BBS1: variants seen among roughly 807,000 people sequenced by gnomAD.
The protein encoded by BBS1 is BBSome complex member BBS1.
Under a neutral mutation model 73.9 loss-of-function variants are expected in BBS1, and 60 were observed. The observed-to-expected ratio is 0.81, with a 90% CI of 0.66 to 1.01. The LOEUF is 1.01. BBS1 is among the 50% of genes least tolerant of loss of function. The probability of loss-of-function intolerance (pLI) is 0.00; values close to 1 mark genes in which losing one functional copy is unlikely to be tolerated. For synonymous variants in BBS1, 283 were observed against 317.4 expected, an observed-to-expected ratio of 0.89 and a Z score of 1.15; for missense variants, 718 against 770.3, an observed-to-expected ratio of 0.93 and a Z score of 0.80.
chr11:66,530,391 G>A (rs1191102789), intron 14 of BBS1, among the ~76,000 whole-genome samples: 3 of 152,122 alleles, frequency 2.0e-5, no homozygotes, highest in African/African-American at 7.2e-5. Flanking sequence ...ACGGGCAAAA[G>A]GAGGAACCCC....
chr11:66,516,719 T>TA, intron 7 of BBS1, among the ~76,000 whole-genome samples: 1 of 152,076 alleles, frequency 6.6e-6, no homozygotes, highest in East Asian at 1.9e-4. Flanking sequence ...CCCAGCTAAT[T>TA]TTTTTATTTT....
intron 14 of BBS1, among the ~76,000 whole-genome samples, chr11:66,530,323 G>A (rs1475993585): frequency 6.6e-6 from 1 of 152,134 alleles, no homozygotes; most frequent in East Asian, 1.9e-4. Flanking sequence ...AACGTGTTAG[G>A]ACTGCTGGGT....
At chr11:66,521,603 G>A (rs1856219854) in intron 9 of BBS1, 1 of 549,642 alleles carries the variant, frequency 1.8e-6, no homozygotes. Context: ...TAGTACAGGA[G>A]TGATCAGAAA....
intron 3 of BBS1, among the ~76,000 whole-genome samples, chr11:66,512,056 A>ATATATATGTATATATATGTG (rs1855965003): frequency 1.4e-5 from 2 of 145,632 alleles, no homozygotes; most frequent in African/African-American, 5.2e-5. Context: ...ATATATGTGT[A>ATATATATGTATATATATGTG]TATATATGTA....
intron 13 of BBS1, 128 bp downstream of exon 13, chr11:66,526,935 C>T: frequency 6.3e-7 from 1 of 1,595,522 alleles, no homozygotes; most frequent in Non-Finnish European, 8.5e-7. Context: ...AGGTCACTCA[C>T]CTCTGCAAAT....
chr11:66,520,707 T>G lies in BBS1; in HGVS notation c.724-563T>G, dbSNP rs188179508. The G allele has an allele frequency of 2.1e-5, 4 of 189,004 alleles. No homozygotes were observed. The Admixed American group carries it at 2.1e-4, about 10-fold the overall frequency. 11.7% of individuals were successfully genotyped at this position (189,004 alleles called of 1,614,324 possible). Reference sequence around the variant, plus strand: ...TTTTTTGCTATTAATACCAATGCTATAGACCTTTTTACCCAAATATCCTTG... The same window carrying G: ...TTTTTTGCTATTAATACCAATGCTAGAGACCTTTTTACCCAAATATCCTTG... On this transcript the variant is annotated intron_variant, in intron 8 of 16. Coordinates refer to ENST00000318312, the MANE Select transcript of BBS1 (RefSeq NM_024649.5).
intron 9 of BBS1, among the ~76,000 whole-genome samples, chr11:66,522,339 T>A (rs1385197670): frequency 6.6e-6 from 1 of 151,322 alleles, no homozygotes; most frequent in African/African-American, 2.4e-5. Context: ...TAAAATGCTT[T>A]TTTTTTTTTT....
Position 66,519,598 on chromosome 11 carries a change from C to A in BBS1, c.592-19C>A. The A allele has an allele frequency of 1.2e-6, 2 of 1,613,408 alleles. No homozygotes were observed. Among genetic ancestry groups the A allele is most frequent in the African/African-American group, 1.3e-5 (1 of 74,950 alleles). ...GGTGTGTGGAGGTTCCCTGGGTGAC[C>A]CCTGGAGTCCTTCTGTAGACAGTCA... is the stretch of plus-strand genomic sequence containing the variant. On this transcript the variant is annotated intron_variant, in intron 7 of 16. Transcript: ENST00000318312.
At position 66,532,349 on chromosome 11, in the gene BBS1, G is replaced by A; in HGVS notation, c.*312G>A. 2 of 424,464 alleles carry A rather than the reference G, an allele frequency of 4.7e-6. No individual in the cohort carries two copies. The highest frequency in any genetic ancestry group is 2.7e-5 in the South Asian group (1 of 36,850). The allele number at this position is 424,464 out of a possible 1,614,324, so 26.3% of individuals were successfully genotyped here. On this transcript the variant is annotated 3_prime_UTR_variant, in exon 17 of 17. Transcript: ENST00000318312. ...ATCAGAGCTCCGAAGCGGTCAAAGT[G>A]AGCTGAGCAGGACAGGCCCAGCCTT...
At position 66,511,067 on chromosome 11, in the gene BBS1, C is replaced by T. The variant is rs760081811; in HGVS notation, c.102C>T (p.Ile34=). 1.1e-5 allele frequency: 17 copies of T among 1,614,066 alleles called. 1 individual carries two copies. The highest frequency in any genetic ancestry group is 3.3e-5 in the Admixed American group (2 of 59,992). Residue 34 remains isoleucine (I), a synonymous_variant, in exon 2 of 17, where the codon ATC becomes ATT. Transcript: ENST00000318312. ...CGCACTACGACCCAATGGCCAATAT[C>T]CACACCTTTTCTGCCTGCCTAGGTG... ...LDAHYDPMAN[I]HTFSACLALA...
At chr11:66,526,021 A>T in intron 11 of BBS1, 102 bp from the exon 12 acceptor site, 1 of 996,192 alleles carries the variant, frequency 1.0e-6, no homozygotes, top group South Asian at 1.3e-5. Flanking sequence ...GCCTGTCTCT[A>T]TCACTTCTCA....
rs746875134 is a variant in BBS1, at chr11:66,523,577, G to C, written c.951+1G>C. On this transcript the variant is annotated splice_donor_variant, in intron 10 of 16. Transcript: ENST00000318312. LOFTEE classifies it high-confidence loss of function. Reference sequence around the variant, plus strand: ...CAGCCTGCATGGCTTCACCCACAAGGTGCAGCCCCCAGCAAGCAGCAGCCC... The same window carrying C: ...CAGCCTGCATGGCTTCACCCACAAGCTGCAGCCCCCAGCAAGCAGCAGCCC... 6.2e-7 allele frequency: 1 copy of C among 1,614,016 alleles called. No individual in the cohort carries two copies. The highest frequency in any genetic ancestry group is 1.3e-5 in the African/African-American group (1 of 74,918).
chr11:66,523,279 A>G, intron 9 of BBS1, 177 bp from the exon 10 acceptor site: 6 of 834,332 alleles, frequency 7.2e-6, no homozygotes, highest in South Asian at 7.0e-5. Context: ...GACACACTTG[A>G]TGTTTTCCAA....
Position 66,532,008 on chromosome 11 carries a change from C to A in BBS1, c.1753C>A (p.Pro585Thr), listed in dbSNP as rs779936951. The change falls in exon 17 of 17, where the codon CCT becomes ACT. Residue 585 changes from proline (P) to threonine (T), a missense_variant. By Grantham distance (38) the Pro-to-Thr change is conservative. Transcript: ENST00000318312. Reference protein sequence around the residue: ...APLLSAHVNMPGSEGLAAA With the variant: ...APLLSAHVNMTGSEGLAAA ...CCTGCTGAGTGCCCACGTCAACATG[C>A]CTGGGAGCGAGGGGCTGGCGGCCGC... The A allele has an allele frequency of 1.2e-5, 19 of 1,607,618 alleles. No individual in the cohort carries two copies. The highest frequency in any genetic ancestry group is 1.5e-5 in the Non-Finnish European group (18 of 1,177,808).
intron 9 of BBS1, among the ~76,000 whole-genome samples, chr11:66,521,927 A>G (rs1045749977): frequency 3.3e-4 from 47 of 143,314 alleles, no homozygotes; most frequent in South Asian, 2.2e-4. Context: ...AAAAAAAAAA[A>G]GCAGGGGGGT....
rs558301507 is a variant in BBS1, at chr11:66,533,028, C to T, written c.*991C>T. ...AAAGGCGGGGCCTTTCTTGTCATAG[C>T]TATTTCTGAGGATGAAATGGGAGAC... On this transcript the variant is annotated 3_prime_UTR_variant, in exon 17 of 17. Transcript: ENST00000318312. 1 of 152,278 alleles carries T rather than the reference C, an allele frequency of 6.6e-6. No individual in the cohort carries two copies. The highest frequency in any genetic ancestry group is 1.5e-5 in the Non-Finnish European group (1 of 68,032). The allele number at this position is 152,278 out of a possible 1,614,324, so 9.4% of individuals were successfully genotyped here. A position where few individuals can be genotyped will look rare whatever the true frequency, so the allele number is the denominator to read the frequency against.
Position 66,523,594 on chromosome 11 carries a change from C to T in BBS1, c.951+18C>T. 1 of 1,613,980 alleles carries T rather than the reference C, an allele frequency of 6.2e-7. No individual in the cohort carries two copies. The highest frequency in any genetic ancestry group is 1.1e-5 in the South Asian group (1 of 91,086). On this transcript the variant is annotated intron_variant, in intron 10 of 16. Coordinates refer to ENST00000318312, the MANE Select transcript of BBS1 (RefSeq NM_024649.5). ...CCCACAAGGTGCAGCCCCCAGCAAG[C>T]AGCAGCCCCTCCACGCCTATGTCCC...
rs142627946 is a variant in BBS1 at position 66,530,978 on chromosome 11, T to G, written c.1558T>G (p.Cys520Gly). Residue 520 changes from cysteine (C) to glycine (G), a missense_variant, in exon 15 of 17, where the codon TGC (cysteine) becomes GGC (glycine). By Grantham distance (159) the Cys-to-Gly change is radical. Coordinates refer to ENST00000318312, the MANE Select transcript of BBS1 (RefSeq NM_024649.5). ...CCGTCCTGTCCTGGGGCTGCTGGTCTGCTTCCTGTACAACGAGGCGCTCTA... is the reference window on the plus strand; with the variant it reads ...CCGTCCTGTCCTGGGGCTGCTGGTCGGCTTCCTGTACAACGAGGCGCTCTA... The part of the protein sequence containing the change: ...TTRPVLGLLV[C>G]FLYNEALYSL... The G allele has an allele frequency of 2.5e-6, 4 of 1,614,134 alleles. No individual in the cohort carries two copies. Among genetic ancestry groups the G allele is most frequent in the Non-Finnish European group, 3.4e-6 (4 of 1,180,054 alleles).
chr11:66,531,367 G>A (rs1404309712), intron 15 of BBS1, among the ~76,000 whole-genome samples: 2 of 152,162 alleles, frequency 1.3e-5, no homozygotes, highest in Admixed American at 1.3e-4. Flanking sequence ...TTCCCCCAGG[G>A]CCCAGGTCTG....
Sources: gnomAD v4.1 joint callset for allele counts (sites outside exome capture counted in the v4.1 genomes callset) on GRCh38, gnomAD v4.1.1 for gene constraint, MANE v1.5 for transcripts, NCBI Gene and HGNC (gene_info 2026-07-23, HGNC 2026-07-21) for gene names.